Variants in SMCHD1 observed in about 807,000 individuals in gnomAD.
SMCHD1 encodes structural maintenance of chromosomes flexible hinge domain containing 1.
Under a neutral mutation model 254.7 loss-of-function variants are expected in SMCHD1, and 78 were observed. The ratio of observed to expected loss-of-function variants is 0.31; its 90% CI spans 0.26 to 0.37. The LOEUF is 0.37. Among genes scored for constraint, SMCHD1 ranks in the 10% least tolerant of loss-of-function variants. The probability of loss-of-function intolerance (pLI) is 1.00; values close to 1 mark genes in which losing one functional copy is unlikely to be tolerated. For synonymous variants in SMCHD1, 766 were observed against 794.9 expected (o/e 0.96, Z 0.61); for missense variants, 1,840 against 2,408.1 (o/e 0.76, Z 4.94).
intron 44 of SMCHD1, chr18:2,779,194 A>G (rs1268117611): frequency 7.6e-6 from 1 of 131,980 alleles, no homozygotes; most frequent in East Asian, 2.0e-4. Context: ...AGTTTAAACA[A>G]CAACATATTA....
At position 2,711,778 on chromosome 18, in the gene SMCHD1, G is replaced by A. The variant is rs142058588; in HGVS notation, c.2260+3858G>A. Among the ~76,000 whole-genome samples the A allele has an allele frequency of 2.4e-3, 362 of 152,284 alleles. 1 individual carries two copies. Among genetic ancestry groups the A allele is most frequent in the African/African-American group, 8.1e-3 (336 of 41,552 alleles). ...ATTACAGGCGTGAGCCACCGCGCCC[G>A]GCCTGGATGTTTGTCTTGATCCCCG... On this transcript the variant is annotated intron_variant, in intron 17 of 47. Transcript: ENST00000320876.
chr18:2,729,463 C>T (rs1341689169), intron 24 of SMCHD1, 54 bp downstream of exon 24: 6 of 1,248,042 alleles, frequency 4.8e-6, no homozygotes, highest in Non-Finnish European at 6.2e-6. Context: ...TACAAATAGT[C>T]TTCAACTGCT....
rs536643888 is a variant in SMCHD1, at chr18:2,740,707, A to G, written c.3519A>G (p.Ile1173Met). The part of the protein sequence containing the change: ...MGQELQGEVV[I>M]IITDQYGNQI... ...TAAAACTTCCCCCTTTTTTAGTTAT[A>G]ATAATTACAGATCAGTACGGAAATC... Residue 1173 changes from isoleucine to methionine, a missense_variant, in exon 28 of 48, where the codon ATA becomes ATG. By Grantham distance (10) the Ile-to-Met change is conservative. Coordinates refer to ENST00000320876, the MANE Select transcript of SMCHD1 (RefSeq NM_015295.3). 593 of 1,551,434 alleles carry G rather than the reference A, an allele frequency of 3.8e-4. 8 individuals are homozygous for G. In the South Asian group the frequency reaches 6.9e-3, roughly 18 times the overall value.
At chr18:2,790,542 C>G (rs2076303241) in intron 45 of SMCHD1, among the ~76,000 whole-genome samples, 1 of 151,924 alleles carries the variant, frequency 6.6e-6, no homozygotes, top group Admixed American at 6.6e-5. Context: ...GGTGGATCAC[C>G]TGAGGTCAGG....
Position 2,760,598 on chromosome 18 carries a change from C to T in SMCHD1, c.4347-54C>T. 6 of 983,160 alleles carry T rather than the reference C, an allele frequency of 6.1e-6. No homozygotes were observed. The South Asian group carries it at 7.9e-5, about 13-fold the overall frequency. The allele number at this position is 983,160 out of a possible 1,614,324, so 60.9% of individuals were successfully genotyped here. A position where few individuals can be genotyped will look rare whatever the true frequency, so the allele number is the denominator to read the frequency against. ...AACAGAAATGTTGACTCTTTGAATT[C>T]CTTCCCCCTTTATACAAACATTGTC... is the stretch of plus-strand genomic sequence containing the variant. On this transcript the variant is annotated intron_variant, in intron 34 of 47. Coordinates refer to ENST00000320876, the MANE Select transcript of SMCHD1 (RefSeq NM_015295.3).
At chr18:2,732,582 A>G in intron 25 of SMCHD1, 90 bp downstream of exon 25, 1 of 758,282 alleles carries the variant, frequency 1.3e-6, no homozygotes, top group South Asian at 2.1e-5. Context: ...GGTAGCATCT[A>G]AAAAAGAAGC....
chr18:2,796,263 C>A, intron 46 of SMCHD1, 144 bp from the exon 47 acceptor site: 1 of 868,730 alleles, frequency 1.2e-6, no homozygotes, highest in Non-Finnish European at 1.7e-6. Context: ...TGGTTATAAA[C>A]TATTCTTTCA....
intron 28 of SMCHD1, 116 bp from the exon 29 acceptor site, chr18:2,743,645 C>A: frequency 1.7e-6 from 1 of 590,944 alleles, no homozygotes; most frequent in Non-Finnish European, 2.6e-6. Context: ...TATTTTCTGT[C>A]ATGTTACCAA....
intron 25 of SMCHD1, among the ~76,000 whole-genome samples, chr18:2,736,287 C>T (rs986683043): frequency 6.6e-6 from 1 of 152,158 alleles, no homozygotes; most frequent in Non-Finnish European, 1.5e-5. Context: ...AAATGTAAAA[C>T]TTCAAACCAT....
intron 42 of SMCHD1, among the ~76,000 whole-genome samples, chr18:2,777,404 T>G (rs1176836950): frequency 1.3e-5 from 2 of 152,226 alleles, no homozygotes; most frequent in Non-Finnish European, 2.9e-5. Context: ...ACAGGGGACA[T>G]AGAGCTGCCT....
chr18:2,803,219 A>AAAT lies in SMCHD1; in HGVS notation c.*668_*669insATA, dbSNP rs1297747877. On this transcript the variant is annotated 3_prime_UTR_variant, in exon 48 of 48. Coordinates refer to ENST00000320876, the MANE Select transcript of SMCHD1 (RefSeq NM_015295.3). The stretch of plus-strand genomic sequence containing the variant: ...GTGTGTATATATATATATATATATA[A>AAAT]ATATATATATATAAAATATTCAGCA... 2.9e-5 allele frequency: 3 copies of AAAT among 104,126 alleles called. No homozygotes were observed. Among genetic ancestry groups the AAAT allele is most frequent in the Non-Finnish European group, 6.9e-5 (3 of 43,324 alleles). 6.5% of individuals were successfully genotyped at this position (104,126 alleles called of 1,614,324 possible).
At chr18:2,791,435 G>A (rs2076163269) in intron 45 of SMCHD1, among the ~76,000 whole-genome samples, 1 of 152,118 alleles carries the variant, frequency 6.6e-6, no homozygotes, top group Non-Finnish European at 1.5e-5. Flanking sequence ...AATTAGTTGG[G>A]CCTGGTGGCT....
chr18:2,699,129 C>A (rs1040329160), intron 10 of SMCHD1, among the ~76,000 whole-genome samples: 2 of 152,104 alleles, frequency 1.3e-5, no homozygotes, highest in East Asian at 3.9e-4. Context: ...GATCCTGATT[C>A]GAATCCCATC....
intron 17 of SMCHD1, among the ~76,000 whole-genome samples, chr18:2,713,322 ACTT>A (rs1320019131): frequency 3.9e-5 from 6 of 152,200 alleles, no homozygotes; most frequent in Non-Finnish European, 2.9e-5. Context: ...TTTTTAGAGA[ACTT>A]CTCGTGGTGA....
At chr18:2,708,867 CATATATATATATATATATATATATATAT>C (rs763226355) in intron 17 of SMCHD1, among the ~76,000 whole-genome samples, 2 of 8,298 alleles carry the variant, frequency 2.4e-4, no homozygotes, top group South Asian at 0.011. Context: ...TCAATAACTT[CATATATATATATATATATATATATATAT>C]ATATATATAT....
At chr18:2,786,977 G>A (rs536408370) in intron 45 of SMCHD1, among the ~76,000 whole-genome samples, 75 of 152,298 alleles carry the variant, frequency 4.9e-4, no homozygotes, top group Non-Finnish European at 9.0e-4. Flanking sequence ...AGGAATTTGA[G>A]CAGTGTCTTA....
chr18:2,752,814 G>A (rs1419544619), intron 34 of SMCHD1: 3 of 331,940 alleles, frequency 9.0e-6, no homozygotes, highest in Non-Finnish European at 1.7e-5. Flanking sequence ...TGTTGTCAGG[G>A]CACTTTATAA....
intron 5 of SMCHD1, among the ~76,000 whole-genome samples, chr18:2,686,903 CTTTCTG>C (rs2074064272): frequency 6.6e-6 from 1 of 152,054 alleles, no homozygotes; most frequent in East Asian, 1.9e-4. Context: ...TTATCCCATT[CTTTCTG>C]TTTCTGTTTC....
chr18:2,696,160 T>C (rs563036228), intron 8 of SMCHD1, among the ~76,000 whole-genome samples: 1 of 152,358 alleles, frequency 6.6e-6, no homozygotes, highest in South Asian at 2.1e-4. Flanking sequence ...ATGTTGGTTT[T>C]CAGTGAGATG....
Sources: gnomAD v4.1 joint callset for allele counts (sites outside exome capture counted in the v4.1 genomes callset) on GRCh38, gnomAD v4.1.1 for gene constraint, MANE v1.5 for transcripts, NCBI Gene and HGNC (gene_info 2026-07-23, HGNC 2026-07-21) for gene names.